NTN1: variants seen among roughly 807,000 people sequenced by gnomAD.
NTN1 encodes netrin-1.
In NTN1, 11 loss-of-function variants were observed where a neutral mutation model predicts 54.2. That is an observed-to-expected ratio of 0.20 (90% confidence interval 0.13 to 0.34). The LOEUF is 0.34. Ranked by LOEUF, NTN1 falls within the 10% of genes least tolerant of loss-of-function variation. The pLI, the probability that NTN1 is intolerant of heterozygous loss-of-function variation, is 1.00. For synonymous variants in NTN1, 371 were observed against 382.0 expected (o/e 0.97, Z 0.33); for missense variants, 740 against 893.1 (o/e 0.83, Z 2.18).
At chr17:9,210,396 TCA>T (rs773827831) in intron 5 of NTN1, among the ~76,000 whole-genome samples, 8 of 150,702 alleles carry the variant, frequency 5.3e-5, no homozygotes, top group Admixed American at 6.6e-5. Context: ...GGATGAAACC[TCA>T]CACACACAGG....
the NTN1 span, among the ~76,000 whole-genome samples, chr17:9,007,793 A>G: frequency 6.6e-6 from 1 of 151,346 alleles, no homozygotes; most frequent in Middle Eastern, 3.2e-3. Flanking sequence ...GTACAGTGGC[A>G]TGATCATGCC....
chr17:9,161,998 A>G (rs1319711210), intron 2 of NTN1, among the ~76,000 whole-genome samples: 2 of 110,190 alleles, frequency 1.8e-5, no homozygotes, highest in South Asian at 2.4e-4. Flanking sequence ...TGAAGGAGAC[A>G]GATGGGGAGG....
intron 2 of NTN1, among the ~76,000 whole-genome samples, chr17:9,156,211 AGCCTGCGATGGT>A (rs2092341638): frequency 6.6e-6 from 1 of 150,780 alleles, no homozygotes; most frequent in African/African-American, 2.4e-5. Context: ...TGGGGCCTGC[AGCCTGCGATGGT>A]GCCTGCGTGA....
intron 5 of NTN1, among the ~76,000 whole-genome samples, chr17:9,205,168 A>C (rs1292825595): frequency 6.6e-6 from 1 of 152,176 alleles, no homozygotes; most frequent in Non-Finnish European, 1.5e-5. Flanking sequence ...GAAGGCTGTG[A>C]ACACCACTTT....
Position 9,084,470 on chromosome 17 carries a change from C to T in NTN1, c.1018+61079C>T, listed in dbSNP as rs116451107. ...TGTTGTTTTCACAGGACGCTGTCAC[C>T]GGGTGGCCCTTTGGGAAGTGTGGGT... On this transcript the variant is annotated intron_variant, in intron 2 of 6. Transcript: ENST00000173229. Among the ~76,000 whole-genome samples, 1,050 of 152,140 alleles carry T rather than the reference C, an allele frequency of 6.9e-3. 14 individuals carry two copies. Among genetic ancestry groups the T allele is most frequent in the African/African-American group, 0.024 (1,010 of 41,480 alleles).
the NTN1 span, among the ~76,000 whole-genome samples, chr17:9,011,536 C>T: frequency 6.6e-6 from 1 of 152,208 alleles, no homozygotes; most frequent in Non-Finnish European, 1.5e-5. Context: ...GACCCTTTTA[C>T]ACCCATATAA....
intron 5 of NTN1, among the ~76,000 whole-genome samples, chr17:9,188,047 G>A (rs2092439026): frequency 6.6e-6 from 1 of 152,166 alleles, no homozygotes; most frequent in Non-Finnish European, 1.5e-5. Context: ...TTCCTTTTTG[G>A]GTGATGAAAA....
chr17:9,032,417 G>A (rs112658839), intron 2 of NTN1, among the ~76,000 whole-genome samples: 1 of 152,174 alleles, frequency 6.6e-6, no homozygotes, highest in Non-Finnish European at 1.5e-5. Flanking sequence ...ACACTCAAAA[G>A]AAATTATGCC....
chr17:9,172,733 C>G (rs577910980), intron 3 of NTN1: 1 of 151,002 alleles, frequency 6.6e-6, no homozygotes, highest in Non-Finnish European at 1.5e-5. Flanking sequence ...ACCATGAGGC[C>G]GGAAGCGGTG....
intron 2 of NTN1, among the ~76,000 whole-genome samples, chr17:9,078,146 G>A (rs2092058072): frequency 1.3e-5 from 2 of 152,180 alleles, no homozygotes; most frequent in Admixed American, 6.5e-5. Context: ...CAGGCAGTGT[G>A]CTTGGTGATG....
intron 2 of NTN1, among the ~76,000 whole-genome samples, chr17:9,159,116 TAAAAA>T (rs1265277560): frequency 1.3e-5 from 2 of 152,170 alleles, no homozygotes; most frequent in African/African-American, 4.8e-5. Context: ...ATGAGAAACT[TAAAAA>T]TATTTACAGC....
In NTN1 at chr17:9,133,754, ATTTTTTTT is replaced by A. The variant is rs57053201; in HGVS notation, c.1019-29046_1019-29039del. On this transcript the variant is annotated intron_variant, in intron 2 of 6. Transcript: ENST00000173229. Reference sequence around the variant, plus strand: ...AGGTGCGCACCACCATGCCCAGCTAATTTTTTTTTTTTTTTTTTTTGTATTTTAGTAGA... The same window carrying A: ...AGGTGCGCACCACCATGCCCAGCTAATTTTTTTTTTTTGTATTTTAGTAGA... Among the ~76,000 whole-genome samples the A allele has an allele frequency of 6.7e-5, 7 of 104,558 alleles. 1 individual carries two copies. The highest frequency in any genetic ancestry group is 3.0e-4 in the East Asian group (1 of 3,354). 68.6% of individuals were successfully genotyped at this position (104,558 alleles called of 152,430 possible).
intron 5 of NTN1, among the ~76,000 whole-genome samples, chr17:9,217,854 C>CAAAA (rs11354107): frequency 1.0e-5 from 1 of 95,748 alleles, no homozygotes; most frequent in African/African-American, 4.4e-5. Flanking sequence ...GGAAAGACAC[C>CAAAA]AAAAAAAAAA....
intron 2 of NTN1, among the ~76,000 whole-genome samples, chr17:9,027,028 G>A (rs2091873623): frequency 6.6e-6 from 1 of 152,056 alleles, no homozygotes; most frequent in Non-Finnish European, 1.5e-5. Flanking sequence ...GTTGGGGGTC[G>A]GGGGATGTCC....
intron 2 of NTN1, among the ~76,000 whole-genome samples, chr17:9,145,696 C>T (rs980090046): frequency 1.3e-5 from 2 of 152,168 alleles, no homozygotes; most frequent in Non-Finnish European, 2.9e-5. Flanking sequence ...GTGGGTGGAT[C>T]ACCTGAGGCC....
chr17:9,241,985 G>A lies in NTN1; in HGVS notation c.*2017G>A, dbSNP rs1389377899. ...CCTGGCCCTGGTTACTGCCTCTTGA[G>A]GACACTGGCATCTGGGCTGGAGAAC... On this transcript the variant is annotated 3_prime_UTR_variant, in exon 7 of 7. Transcript: ENST00000173229. 1 of 152,412 alleles carries A rather than the reference G, an allele frequency of 6.6e-6. No homozygotes were observed. Among genetic ancestry groups the A allele is most frequent in the Non-Finnish European group, 1.5e-5 (1 of 68,200 alleles). 9.4% of individuals were successfully genotyped at this position (152,412 alleles called of 1,614,324 possible).
chr17:9,179,844 C>T lies in NTN1; in HGVS notation c.1245C>T (p.Thr415=). The stretch of plus-strand genomic sequence containing the variant: ...ACCCTGTGGGTGCTGCTGGCAAAAC[C>T]TGCAACCAAACCACCGGCCAGTGTC... The part of the protein sequence containing the change: ...DCHPVGAAGK[T]CNQTTGQCPC... The change falls in exon 4 of 7, where the codon ACC becomes ACT. Residue 415 remains threonine (T), a synonymous_variant. Transcript: ENST00000173229. 6.2e-7 allele frequency: 1 copy of T among 1,614,080 alleles called. No individual in the cohort carries two copies. Among genetic ancestry groups the T allele is most frequent in the East Asian group, 2.2e-5 (1 of 44,874 alleles).
intron 2 of NTN1, among the ~76,000 whole-genome samples, chr17:9,160,856 C>T (rs1243198077): frequency 2.0e-5 from 3 of 152,098 alleles, no homozygotes; most frequent in Non-Finnish European, 4.4e-5. Context: ...ACTTGGGAGG[C>T]TGAGGTGGGA....
chr17:9,075,146 G>A (rs1370246423), intron 2 of NTN1, among the ~76,000 whole-genome samples: 1 of 152,168 alleles, frequency 6.6e-6, no homozygotes, highest in East Asian at 1.9e-4. Flanking sequence ...AGATGGGATA[G>A]TCTTGGTCAA....
Sources: gnomAD v4.1 joint callset for allele counts (sites outside exome capture counted in the v4.1 genomes callset) on GRCh38, gnomAD v4.1.1 for gene constraint, MANE v1.5 for transcripts, NCBI Gene and HGNC (gene_info 2026-07-23, HGNC 2026-07-21) for gene names.